Variants in ROBO2 observed in about 807,000 individuals in gnomAD.
ROBO2 encodes the protein roundabout guidance receptor 2, also known as roundabout homolog 2.
A neutral mutation model predicts 160.8 loss-of-function variants in ROBO2; 53 were observed. The observed-to-expected ratio is 0.33, with a 90% CI of 0.26 to 0.41. The LOEUF (loss-of-function observed/expected upper bound fraction) is 0.41, where lower values mean the gene tolerates loss of function less well. ROBO2 is among the 10% of genes least tolerant of loss of function. The pLI is 1.00. For missense variants in ROBO2, 1,577 were observed against 1,722.4 expected, an observed-to-expected ratio of 0.92 and a Z score of 1.49; for synonymous variants, 664 against 611.7, an observed-to-expected ratio of 1.09 and a Z score of -1.26.
At chr3:77,384,658 G>A (rs2073912138) in intron 2 of ROBO2, among the ~76,000 whole-genome samples, 1 of 152,074 alleles carries the variant, frequency 6.6e-6, no homozygotes, top group Non-Finnish European at 1.5e-5. Context: ...CTCAATGAAC[G>A]TCATTTTAAC....
At chr3:77,249,887 T>C (rs1164838734) in intron 2 of ROBO2, among the ~76,000 whole-genome samples, 1 of 151,618 alleles carries the variant, frequency 6.6e-6, no homozygotes, top group African/African-American at 2.4e-5. Context: ...TACTAAGTGT[T>C]AGATTTAATG....
chr3:76,090,589 A>G (rs1207968893), intron 2 of ROBO2, among the ~76,000 whole-genome samples: 7 of 152,232 alleles, frequency 4.6e-5, no homozygotes, highest in African/African-American at 1.7e-4. Context: ...GATATCAACA[A>G]ACTGATTCTA....
intron 2 of ROBO2, among the ~76,000 whole-genome samples, chr3:76,611,574 C>T (rs1333675988): frequency 6.6e-6 from 1 of 152,016 alleles, no homozygotes. Context: ...CTCATAGTAG[C>T]CTCTAAGGAT....
Position 76,252,562 on chromosome 3 carries a change from GCACACACACA to G in ROBO2, c.109+314961_109+314970del, listed in dbSNP as rs527705850. Among the ~76,000 whole-genome samples, 385 of 151,570 alleles carry G rather than the reference GCACACACACA, an allele frequency of 2.5e-3. 3 individuals carry two copies. The highest frequency in any genetic ancestry group is 8.9e-3 in the African/African-American group (369 of 41,316). On this transcript the variant is annotated intron_variant, in intron 2 of 26. Coordinates refer to the ROBO2 transcript ENST00000487694. ...GGTATGTGTGTGCATATTTACATATGCACACACACATATATATGGCTGTGAACATTACAAA... is the reference window on the plus strand; with the variant it reads ...GGTATGTGTGTGCATATTTACATATGTATATATGGCTGTGAACATTACAAA...
chr3:77,007,569 G>A (rs962460123), intron 2 of ROBO2, among the ~76,000 whole-genome samples: 4 of 151,986 alleles, frequency 2.6e-5, no homozygotes, highest in Admixed American at 1.3e-4. Flanking sequence ...TACTATAGAC[G>A]ATATTCTGCA....
intron 2 of ROBO2, among the ~76,000 whole-genome samples, chr3:77,399,113 T>C (rs1397865038): frequency 6.6e-6 from 1 of 152,196 alleles, no homozygotes; most frequent in African/African-American, 2.4e-5. Context: ...AAATATATTT[T>C]CCTTCTTTCA....
intron 2 of ROBO2, among the ~76,000 whole-genome samples, chr3:76,853,482 C>T (rs547748178): frequency 5.9e-5 from 9 of 152,170 alleles, no homozygotes; most frequent in East Asian, 1.9e-4. Context: ...AAAGGAACCA[C>T]GGTTTGGATC....
chr3:76,594,346 A>G (rs2086608025), intron 2 of ROBO2, among the ~76,000 whole-genome samples: 1 of 152,040 alleles, frequency 6.6e-6, no homozygotes, highest in African/African-American at 2.4e-5. Context: ...TGGTACAATT[A>G]TAAGACATCA....
At chr3:75,936,878 T>C (rs1373976691) in intron 1 of ROBO2, among the ~76,000 whole-genome samples, 1 of 151,998 alleles carries the variant, frequency 6.6e-6, no homozygotes, top group East Asian at 1.9e-4. Context: ...GGGTTATATA[T>C]CTGAAATCAA....
intron 2 of ROBO2, among the ~76,000 whole-genome samples, chr3:77,424,686 G>T (rs942863325): frequency 1.3e-5 from 2 of 152,098 alleles, no homozygotes; most frequent in Admixed American, 6.5e-5. Context: ...CCATGAAATT[G>T]TTTCCATCAA....
intron 2 of ROBO2, among the ~76,000 whole-genome samples, chr3:77,189,496 A>G (rs2150928645): frequency 6.6e-6 from 1 of 152,008 alleles, no homozygotes; most frequent in South Asian, 2.1e-4. Flanking sequence ...ACACTCAATC[A>G]CCGTGACATA....
intron 2 of ROBO2, among the ~76,000 whole-genome samples, chr3:76,152,513 A>G (rs778987709): frequency 8.5e-5 from 13 of 152,190 alleles, no homozygotes; most frequent in Non-Finnish European, 1.9e-4. Context: ...ATTTTTTTCA[A>G]TTGTAGGTAG....
At chr3:76,397,711 A>G (rs1012063147) in intron 2 of ROBO2, among the ~76,000 whole-genome samples, 7 of 152,150 alleles carry the variant, frequency 4.6e-5, no homozygotes, top group African/African-American at 1.7e-4. Flanking sequence ...GTAGCCAAAA[A>G]ACACATGAAA....
At chr3:75,911,552 CTTTTTTTTTT>C (rs56787695) in intron 1 of ROBO2, among the ~76,000 whole-genome samples, 2 of 83,558 alleles carry the variant, frequency 2.4e-5, no homozygotes, top group African/African-American at 4.8e-5. Flanking sequence ...AGCCTTGTTT[CTTTTTTTTTT>C]TTTTTTTTTT....
At chr3:76,917,463 C>T (rs2076392795) in intron 2 of ROBO2, among the ~76,000 whole-genome samples, 1 of 152,082 alleles carries the variant, frequency 6.6e-6, no homozygotes, top group Admixed American at 6.6e-5. Flanking sequence ...CATTAGGAAA[C>T]CCAAGAAAAC....
chr3:76,895,784 G>T (rs2074720949), intron 2 of ROBO2, among the ~76,000 whole-genome samples: 1 of 152,096 alleles, frequency 6.6e-6, no homozygotes, highest in African/African-American at 2.4e-5. Flanking sequence ...ACTCGAATTA[G>T]GTTACTCTTT....
intron 2 of ROBO2, among the ~76,000 whole-genome samples, chr3:76,789,091 A>T (rs2063180897): frequency 1.3e-5 from 2 of 151,464 alleles, no homozygotes. Flanking sequence ...GGCTTCACAT[A>T]GGTTAGGAGG....
At chr3:77,625,467 T>C (rs1312241646) in intron 23 of ROBO2, among the ~76,000 whole-genome samples, 1 of 151,792 alleles carries the variant, frequency 6.6e-6, no homozygotes, top group African/African-American at 2.4e-5. Context: ...AACCTATCCC[T>C]CTCGGGTTCA....
chr3:77,098,817 C>T (rs1034007055), intron 2 of ROBO2, among the ~76,000 whole-genome samples: 1 of 152,062 alleles, frequency 6.6e-6, no homozygotes, highest in Non-Finnish European at 1.5e-5. Flanking sequence ...GATCGCGCCA[C>T]TGCACTCCAG....
Sources: allele counts gnomAD v4.1 joint callset (sites outside exome capture counted in the v4.1 genomes callset), GRCh38; gene constraint gnomAD v4.1.1; transcripts MANE v1.5; gene names NCBI Gene and HGNC (gene_info 2026-07-23, HGNC 2026-07-21).